The following PCNX1 variants were observed in gnomAD, a reference collection of about 807,000 sequenced individuals.
The protein encoded by PCNX1 is pecanex-like protein 1.
In PCNX1, 78 loss-of-function variants were observed where a neutral mutation model predicts 242.2. That is an observed-to-expected ratio of 0.32 (90% CI 0.27 to 0.39). PCNX1 has a LOEUF of 0.39. Ranked by LOEUF, PCNX1 falls within the 10% of genes least tolerant of loss-of-function variation. The pLI is 1.00. For missense variants in PCNX1, 2,581 were observed against 2,856.5 expected (o/e 0.90, Z 2.20); for synonymous variants, 1,024 against 1,032.9 (o/e 0.99, Z 0.17).
chr14:71,082,935 A>C (rs2061892269), intron 28 of PCNX1, among the ~76,000 whole-genome samples: 1 of 152,152 alleles, frequency 6.6e-6, no homozygotes, highest in South Asian at 2.1e-4. Context: ...CAGTTTCTTC[A>C]TAGTGTCAGT....
At chr14:71,077,210 T>C (rs2061740019) in intron 28 of PCNX1, among the ~76,000 whole-genome samples, 1 of 152,182 alleles carries the variant, frequency 6.6e-6, no homozygotes, top group South Asian at 2.1e-4. Context: ...AGCTTTCTTC[T>C]AGGTCTCATG....
At chr14:70,966,588 C>T (rs2058385692) in intron 3 of PCNX1, among the ~76,000 whole-genome samples, 1 of 152,310 alleles carries the variant, frequency 6.6e-6, no homozygotes, top group South Asian at 2.1e-4. Flanking sequence ...ACACCTACCT[C>T]TAGACCAGGG....
intron 28 of PCNX1, among the ~76,000 whole-genome samples, chr14:71,082,505 C>T (rs371782023): frequency 3.9e-5 from 6 of 152,224 alleles, no homozygotes; most frequent in South Asian, 2.1e-4. Flanking sequence ...GTTTGTAGGT[C>T]TCTAAGGACT....
At chr14:71,091,399 T>C (rs149412875) in intron 30 of PCNX1, among the ~76,000 whole-genome samples, 1 of 152,334 alleles carries the variant, frequency 6.6e-6, no homozygotes, top group African/African-American at 2.4e-5. Flanking sequence ...ACAATTCTAC[T>C]TCTAGATGTT....
chr14:71,053,295 A>G (rs755541633), intron 24 of PCNX1: 7 of 451,598 alleles, frequency 1.6e-5, no homozygotes, highest in Admixed American at 4.7e-5. Context: ...TTTTTGAGAC[A>G]GAGTTTTGCC....
At chr14:70,911,286 C>G (rs748411737) in intron 1 of PCNX1, among the ~76,000 whole-genome samples, 1 of 152,098 alleles carries the variant, frequency 6.6e-6, no homozygotes. Context: ...TTATTCCCCC[C>G]CAAAAAGTGC....
At chr14:70,958,924 T>TA (rs1555348615) in intron 2 of PCNX1, among the ~76,000 whole-genome samples, 5 of 141,088 alleles carry the variant, frequency 3.5e-5, no homozygotes, top group African/African-American at 2.6e-5. Flanking sequence ...TTTTTTTTTT[T>TA]ACATAATCAG....
intron 3 of PCNX1, 48 bp downstream of exon 3, chr14:70,962,379 G>T: frequency 1.0e-6 from 1 of 956,606 alleles, no homozygotes; most frequent in East Asian, 2.4e-5. Flanking sequence ...CCTCCTGATG[G>T]TGGTCTCCGT....
intron 1 of PCNX1, among the ~76,000 whole-genome samples, chr14:70,926,946 T>C (rs2056616621): frequency 6.6e-6 from 1 of 152,136 alleles, no homozygotes. Flanking sequence ...CAGTATAGTT[T>C]AGTGCTTAAA....
In PCNX1 at chr14:70,907,823, G is replaced by GGGA. The variant is rs2055626132; in HGVS notation, c.-28_-27insGGA. The stretch of plus-strand genomic sequence containing the variant: ...CGGGGCGGGGACGGCGGCGGCGGCG[G>GGGA]CGGCGACGGCGGCGGCGCCGGGTGG... On this transcript the variant is annotated 5_prime_UTR_variant, in exon 1 of 36. Transcript: ENST00000304743. 8.0e-7 allele frequency: 1 copy of GGGA among 1,250,162 alleles called. No homozygotes were observed. Among genetic ancestry groups the GGGA allele is most frequent in the Non-Finnish European group, 1.0e-6 (1 of 995,826 alleles). The allele number at this position is 1,250,162 out of a possible 1,614,324, so 77.4% of individuals were successfully genotyped here.
intron 8 of PCNX1, among the ~76,000 whole-genome samples, chr14:71,001,029 G>C (rs188635433): frequency 6.6e-6 from 1 of 152,094 alleles, no homozygotes; most frequent in Non-Finnish European, 1.5e-5. Flanking sequence ...AAAAATAATG[G>C]CTACTTCATA....
At chr14:71,091,446 AAC>A (rs2062127557) in intron 30 of PCNX1, among the ~76,000 whole-genome samples, 1 of 152,246 alleles carries the variant, frequency 6.6e-6, no homozygotes, top group Non-Finnish European at 1.5e-5. Context: ...ATTCTTGAAC[AAC>A]ACAGGTTTGA....
intron 1 of PCNX1, among the ~76,000 whole-genome samples, chr14:70,939,730 G>A (rs1411376831): frequency 1.3e-5 from 2 of 152,098 alleles, no homozygotes; most frequent in Non-Finnish European, 2.9e-5. Flanking sequence ...TTGACAGTGG[G>A]GTGTTAAAGT....
At chr14:70,918,386 A>G (rs1364441616) in intron 1 of PCNX1, among the ~76,000 whole-genome samples, 1 of 152,188 alleles carries the variant, frequency 6.6e-6, no homozygotes, top group East Asian at 1.9e-4. Flanking sequence ...GTCTGTGGGC[A>G]AGGTTGATGG....
At chr14:71,041,475 A>G (rs756313116) in intron 19 of PCNX1, among the ~76,000 whole-genome samples, 2 of 152,058 alleles carry the variant, frequency 1.3e-5, no homozygotes, top group Non-Finnish European at 1.5e-5. Flanking sequence ...AGATTTTCCA[A>G]TTTATTCACA....
intron 19 of PCNX1, among the ~76,000 whole-genome samples, chr14:71,036,484 T>C (rs928364504): frequency 2.6e-5 from 4 of 152,176 alleles, no homozygotes; most frequent in African/African-American, 9.7e-5. Context: ...AGCCTGTATA[T>C]GTTTAGATAC....
intron 1 of PCNX1, among the ~76,000 whole-genome samples, chr14:70,927,863 C>CA: frequency 6.6e-6 from 1 of 152,250 alleles, no homozygotes; most frequent in Admixed American, 6.5e-5. Flanking sequence ...GCTGGCATTA[C>CA]AGGTGTGAGC....
intron 3 of PCNX1, among the ~76,000 whole-genome samples, chr14:70,964,416 A>G (rs879363042): frequency 6.6e-6 from 1 of 152,164 alleles, no homozygotes; most frequent in African/African-American, 2.4e-5. Flanking sequence ...TTTGAAGACA[A>G]GGGTTACTAT....
rs1248136622 is a variant in PCNX1, at chr14:71,111,833, T to G, written c.*1898T>G. The G allele has an allele frequency of 1.3e-5, 2 of 152,326 alleles. No individual in the cohort carries two copies. Among genetic ancestry groups the G allele is most frequent in the African/African-American group, 4.8e-5 (2 of 41,460 alleles). The allele number at this position is 152,326 out of a possible 1,614,324, so 9.4% of individuals were successfully genotyped here. On this transcript the variant is annotated 3_prime_UTR_variant, in exon 36 of 36. Coordinates refer to ENST00000304743, the MANE Select transcript of PCNX1 (RefSeq NM_014982.3). ...TGTTTAAAAATACTTGTCAAATGAT[T>G]TACTGAACCTTTATACAAAAGTACC...
Sources: gnomAD v4.1 joint callset for allele counts (sites outside exome capture counted in the v4.1 genomes callset) on GRCh38, gnomAD v4.1.1 for gene constraint, MANE v1.5 for transcripts, NCBI Gene and HGNC (gene_info 2026-07-23, HGNC 2026-07-21) for gene names.